The following ARHGAP26 variants were observed in gnomAD, a reference collection of about 807,000 sequenced individuals.
ARHGAP26 encodes Rho GTPase activating protein 26, also known as rho GTPase-activating protein 26.
A neutral mutation model predicts 104.8 loss-of-function variants in ARHGAP26; 38 were observed. The observed-to-expected ratio is 0.36, with a 90% CI of 0.28 to 0.48. The LOEUF (loss-of-function observed/expected upper bound fraction) is 0.48. ARHGAP26 is among the 20% of genes least tolerant of loss of function. The probability of loss-of-function intolerance (pLI) is 0.99; values close to 1 mark genes in which losing one functional copy is unlikely to be tolerated. For missense variants in ARHGAP26, 704 were observed against 947.9 expected, an observed-to-expected ratio of 0.74 and a Z score of 3.38; for synonymous variants, 341 against 340.0, an observed-to-expected ratio of 1.00 and a Z score of -0.03.
intron 5 of ARHGAP26, among the ~76,000 whole-genome samples, chr5:142,892,317 T>G (rs1254614622): frequency 6.6e-6 from 1 of 151,932 alleles, no homozygotes; most frequent in Non-Finnish European, 1.5e-5. Flanking sequence ...CAGTGGAGAC[T>G]GGTGGTTTCA....
At chr5:143,112,676 C>T (rs1345014599) in intron 17 of ARHGAP26, among the ~76,000 whole-genome samples, 1 of 152,152 alleles carries the variant, frequency 6.6e-6, no homozygotes, top group Non-Finnish European at 1.5e-5. Context: ...AATTTGACTA[C>T]TTTAAGTACC....
At chr5:143,207,810 T>C (rs147266474) in intron 21 of ARHGAP26, among the ~76,000 whole-genome samples, 78 of 152,360 alleles carry the variant, frequency 5.1e-4, no homozygotes, top group African/African-American at 1.7e-3. Flanking sequence ...TCTTTTCTCA[T>C]GTTTATCAGG....
At chr5:143,038,916 G>A (rs1783055558) in intron 13 of ARHGAP26, among the ~76,000 whole-genome samples, 2 of 151,966 alleles carry the variant, frequency 1.3e-5, no homozygotes, top group Admixed American at 6.6e-5. Context: ...GGATGGTCTC[G>A]ATCTCCTGAT....
intron 11 of ARHGAP26, among the ~76,000 whole-genome samples, chr5:142,941,232 G>T: frequency 6.6e-6 from 1 of 152,066 alleles, no homozygotes; most frequent in African/African-American, 2.4e-5. Context: ...CATCTGCAGT[G>T]TAAATTGTGT....
Position 143,041,810 on chromosome 5 carries a change from C to G in ARHGAP26, c.1211-6C>G, listed in dbSNP as rs199986817. ...CTAATTAAATCATCACTGTTTCTTT[C>G]CTCAGGGATCAACGAGCAAGGGCTG... On this transcript the variant is annotated splice_polypyrimidine_tract_variant and splice_region_variant and intron_variant, in intron 13 of 22. Transcript: ENST00000645722. 1 of 1,604,596 alleles carries G rather than the reference C, an allele frequency of 6.2e-7. No individual in the cohort carries two copies. Among genetic ancestry groups the G allele is most frequent in the East Asian group, 2.2e-5 (1 of 44,468 alleles).
intron 11 of ARHGAP26, among the ~76,000 whole-genome samples, chr5:143,002,235 G>C (rs924799159): frequency 6.6e-5 from 10 of 152,128 alleles, no homozygotes; most frequent in African/African-American, 2.4e-4. Context: ...ACCCACTTGG[G>C]CAGCAGAAGA....
At chr5:142,817,812 T>C (rs1332165428) in intron 1 of ARHGAP26, among the ~76,000 whole-genome samples, 1 of 152,170 alleles carries the variant, frequency 6.6e-6, no homozygotes, top group Admixed American at 6.5e-5. Flanking sequence ...ATTATTTTTA[T>C]AGGACCAGCC....
chr5:143,044,271 T>A (rs1348830158), intron 14 of ARHGAP26, among the ~76,000 whole-genome samples: 1 of 152,148 alleles, frequency 6.6e-6, no homozygotes, highest in Non-Finnish European at 1.5e-5. Flanking sequence ...GCCAATGATG[T>A]CTTTACTTTT....
At chr5:142,970,361 G>A (rs1003137799) in intron 11 of ARHGAP26, among the ~76,000 whole-genome samples, 1 of 152,190 alleles carries the variant, frequency 6.6e-6, no homozygotes, top group Non-Finnish European at 1.5e-5. Flanking sequence ...AAGGAAAAAA[G>A]AGAATTTTTT....
At chr5:143,106,466 CTTTTTTTTTTTTT>C (rs70991793) in intron 17 of ARHGAP26, among the ~76,000 whole-genome samples, 2 of 77,306 alleles carry the variant, frequency 2.6e-5, no homozygotes, top group African/African-American at 1.0e-4. Context: ...ATGCATTGGG[CTTTTTTTTTTTTT>C]TTTTTTTTTT....
At chr5:142,812,473 G>T (rs1010523777) in intron 1 of ARHGAP26, among the ~76,000 whole-genome samples, 1 of 152,028 alleles carries the variant, frequency 6.6e-6, no homozygotes, top group African/African-American at 2.4e-5. Flanking sequence ...GAGTAGCTGG[G>T]ATTACAGGTG....
At chr5:142,773,941 C>T (rs1561815895) in intron 1 of ARHGAP26, among the ~76,000 whole-genome samples, 1 of 152,196 alleles carries the variant, frequency 6.6e-6, no homozygotes, top group Non-Finnish European at 1.5e-5. Flanking sequence ...GCCTGTCACC[C>T]TTTTGTACTT....
chr5:142,893,423 G>A (rs1481019620), intron 5 of ARHGAP26, among the ~76,000 whole-genome samples: 3 of 152,140 alleles, frequency 2.0e-5, no homozygotes, highest in African/African-American at 7.2e-5. Flanking sequence ...TTCCATTCAT[G>A]TTGCTGCAGA....
intron 20 of ARHGAP26, among the ~76,000 whole-genome samples, chr5:143,175,599 C>T (rs892735466): frequency 2.6e-4 from 39 of 151,686 alleles, no homozygotes; most frequent in African/African-American, 7.7e-4. Flanking sequence ...AATAAACAGC[C>T]CTTCTCAGTT....
intron 11 of ARHGAP26, among the ~76,000 whole-genome samples, chr5:142,958,695 T>G (rs559284895): frequency 6.6e-6 from 1 of 152,168 alleles, no homozygotes; most frequent in East Asian, 1.9e-4. Flanking sequence ...AGTAGATTCC[T>G]TTTTCAGCAG....
intron 11 of ARHGAP26, among the ~76,000 whole-genome samples, chr5:142,962,884 AT>A (rs1453300220): frequency 6.6e-6 from 1 of 151,696 alleles, no homozygotes; most frequent in African/African-American, 2.4e-5. Context: ...TGTTATACAG[AT>A]TATTTTGTCA....
At chr5:143,169,810 G>C (rs571713404) in intron 20 of ARHGAP26, 133 of 152,288 alleles carry the variant, frequency 8.7e-4, no homozygotes, top group African/African-American at 3.0e-3. Context: ...TGGGGACTTC[G>C]TGAAGGATTT....
rs554959991 is a variant in ARHGAP26 at position 143,179,628 on chromosome 5, G to A, written c.1989-27570G>A. ...AAGCCACTGGGTGGCCACTCCAGAA[G>A]ACATCTGGAAGGAGGACTCTCCAGA... On this transcript the variant is annotated intron_variant, in intron 20 of 22. Transcript: ENST00000645722. Among the ~76,000 whole-genome samples the A allele has an allele frequency of 2.0e-5, 3 of 152,350 alleles. No homozygotes were observed. In the East Asian group the frequency reaches 5.8e-4, roughly 29 times the overall value.
chr5:142,811,245 T>A (rs1484806590), intron 1 of ARHGAP26, among the ~76,000 whole-genome samples: 1 of 152,184 alleles, frequency 6.6e-6, no homozygotes. Context: ...CTATAGGCAC[T>A]GGCCCCTTGA....
Sources: allele counts gnomAD v4.1 joint callset (sites outside exome capture counted in the v4.1 genomes callset), GRCh38; gene constraint gnomAD v4.1.1; transcripts MANE v1.5; gene names NCBI Gene and HGNC (gene_info 2026-07-23, HGNC 2026-07-21).